DST: variants seen among roughly 807,000 people sequenced by gnomAD.
DST encodes dystonin, also known as bullous pemphigoid antigen.
In DST, 253 loss-of-function variants were observed where a neutral mutation model predicts 875.2. That is an observed-to-expected ratio of 0.29 (90% CI 0.26 to 0.32). DST has a LOEUF of 0.32. Among genes scored for constraint, DST ranks in the 10% least tolerant of loss-of-function variants. The pLI is 1.00. For synonymous variants in DST, 3,124 were observed against 3,197.1 expected, an observed-to-expected ratio of 0.98 and a Z score of 0.77; for missense variants, 8,287 against 9,111.6, an observed-to-expected ratio of 0.91 and a Z score of 3.68.
chr6:56,458,971 T>C lies in DST; in HGVS notation c.*34A>G, dbSNP rs1445976754. On this transcript the variant is annotated 3_prime_UTR_variant, in exon 104 of 104. Coordinates refer to ENST00000680361, the MANE Select transcript of DST (RefSeq NM_001374736.1). ...ACATCGTTCAAACTTAAATAATAAA[T>C]GCTCAAGGAAGGGCCTTGGTAGAAC... 2 of 1,506,226 alleles carry C rather than the reference T, an allele frequency of 1.3e-6. No homozygotes were observed. Among genetic ancestry groups the C allele is most frequent in the African/African-American group, 2.8e-5 (2 of 71,924 alleles). 93.3% of individuals were successfully genotyped at this position (1,506,226 alleles called of 1,614,324 possible).
At chr6:56,490,391 TG>T (rs147745929) in intron 85 of DST, among the ~76,000 whole-genome samples, 3,831 of 152,270 alleles carry the variant, frequency 0.025, 72 homozygotes, top group Non-Finnish European at 0.038. Context: ...ATAAATTATT[TG>T]TCACAATAAG....
At chr6:56,752,588 A>C (rs2099590696) in intron 4 of DST, among the ~76,000 whole-genome samples, 1 of 152,140 alleles carries the variant, frequency 6.6e-6, no homozygotes, top group African/African-American at 2.4e-5. Flanking sequence ...AGTCATTTGA[A>C]TCTAGCTTCT....
In DST at chr6:56,605,631, A is replaced by G; in HGVS notation, c.8997T>C (p.Cys2999=). 6.2e-7 allele frequency: 1 copy of G among 1,613,038 alleles called. No individual in the cohort carries two copies. Among genetic ancestry groups the G allele is most frequent in the Non-Finnish European group, 8.5e-7 (1 of 1,179,348 alleles). The change falls in exon 40 of 104, where the codon TGT becomes TGC. Residue 2999 remains cysteine, a synonymous_variant. Coordinates refer to ENST00000680361, the MANE Select transcript of DST (RefSeq NM_001374736.1). The part of the protein sequence containing the change: ...KVDSSLDHII[C]TEPDLIGKPA... ...GTTTTCCTATTAAATCAGGCTCAGT[A>G]CAAATGATGTGATCAAGAGATGAGT...
intron 4 of DST, among the ~76,000 whole-genome samples, chr6:56,784,072 T>C (rs1004567682): frequency 6.6e-6 from 1 of 152,228 alleles, no homozygotes; most frequent in African/African-American, 2.4e-5. Context: ...TTCTGGCTTG[T>C]AGAGTTTCTG....
At position 56,633,194 on chromosome 6, in the gene DST, G is replaced by GTT. The variant is rs371284798; in HGVS notation, c.3622-158_3622-157insAA. 5.6e-3 allele frequency among the ~76,000 whole-genome samples: 836 copies of GTT among 149,764 alleles called. 11 individuals carry two copies. Among genetic ancestry groups the GTT allele is most frequent in the African/African-American group, 0.02 (786 of 39,370 alleles). ...GTCTTTTTCATTAACAATTTTAGGTGGTTTTTTTTTGTTTTTTGTTTTGAG... is the reference window on the plus strand; with the variant it reads ...GTCTTTTTCATTAACAATTTTAGGTGTTGTTTTTTTTTGTTTTTTGTTTTGAG... On this transcript the variant is annotated intron_variant, in intron 27 of 103. Transcript: ENST00000680361.
At position 56,800,746 on chromosome 6, in the gene DST, T is replaced by G. The variant is rs1337658538; in HGVS notation, c.625+50651A>C. Among the ~76,000 whole-genome samples the G allele has an allele frequency of 2.6e-5, 4 of 152,146 alleles. No homozygotes were observed. The South Asian group carries it at 6.2e-4, about 24-fold the overall frequency. ...AAAAACTCCTATCTAAGGTTGGGCA[T>G]AGTGGCTCACGCCTGTAATCCCAGC... On this transcript the variant is annotated intron_variant, in intron 4 of 103. Transcript: ENST00000680361.
chr6:56,688,278 G>A (rs1437860252), intron 9 of DST, among the ~76,000 whole-genome samples: 1 of 152,114 alleles, frequency 6.6e-6, no homozygotes, highest in Admixed American at 6.5e-5. Context: ...AAGATCTGTG[G>A]AGCAAGGCTA....
chr6:56,900,056 C>T (rs796525638), intron 3 of DST, among the ~76,000 whole-genome samples: 11 of 152,314 alleles, frequency 7.2e-5, no homozygotes, highest in African/African-American at 2.4e-4. Context: ...CTTCTCCTAT[C>T]CTGACACTGG....
At chr6:56,770,983 G>A (rs1204334198) in intron 4 of DST, among the ~76,000 whole-genome samples, 2 of 146,066 alleles carry the variant, frequency 1.4e-5, no homozygotes. Flanking sequence ...TGGGCAACAA[G>A]AGCGAAACTC....
chr6:56,584,459 G>A (rs947994877), intron 49 of DST, among the ~76,000 whole-genome samples: 98 of 151,078 alleles, frequency 6.5e-4, no homozygotes, highest in Non-Finnish European at 1.1e-3. Flanking sequence ...CTGAGACTTT[G>A]CTGAAGTTGC....
chr6:56,737,634 C>T (rs556314193), intron 4 of DST, among the ~76,000 whole-genome samples: 1 of 152,264 alleles, frequency 6.6e-6, no homozygotes, highest in Non-Finnish European at 1.5e-5. Context: ...TAGAACAAAG[C>T]TCTACTGGAC....
chr6:56,645,834 G>T (rs372240930), intron 15 of DST, 32 bp downstream of exon 15: 28 of 1,605,734 alleles, frequency 1.7e-5, no homozygotes, highest in South Asian at 1.2e-4. Context: ...CTCCCCACTT[G>T]ATATTCATGG....
At position 56,463,599 on chromosome 6, in the gene DST, G is replaced by A; in HGVS notation, c.22925C>T (p.Ala7642Val). Residue 7642 changes from alanine to valine, a missense_variant, in exon 101 of 104, where the codon GCC becomes GTC. By Grantham distance (64) the Ala-to-Val change is moderately conservative. This residue lies in a region of DST where 240 missense variants were observed against 237.3 expected (regional missense o/e 1.01). Transcript: ENST00000680361. ...GGTGGTGGCAGGGACCTGTGGGGAG[G>A]CCGCCTGCGCAGCCTGACTGGACAC... The part of the protein sequence containing the change: ...TSVSSQAAQA[A>V]SPQVPATTTP... 6.2e-7 allele frequency: 1 copy of A among 1,603,638 alleles called. No individual in the cohort carries two copies.
At chr6:56,767,494 G>T (rs1589897573) in intron 4 of DST, among the ~76,000 whole-genome samples, 1 of 152,146 alleles carries the variant, frequency 6.6e-6, no homozygotes, top group Admixed American at 6.5e-5. Flanking sequence ...TTGCACATCT[G>T]TAATCCTAGC....
intron 9 of DST, among the ~76,000 whole-genome samples, chr6:56,688,094 A>T (rs1354184178): frequency 2.0e-5 from 3 of 152,186 alleles, no homozygotes; most frequent in Non-Finnish European, 4.4e-5. Context: ...GATGATAGGG[A>T]CCCAAATTCT....
chr6:56,514,753 C>A (rs1327000984), intron 72 of DST, among the ~76,000 whole-genome samples: 1 of 152,136 alleles, frequency 6.6e-6, no homozygotes, highest in Non-Finnish European at 1.5e-5. Context: ...GGAATGCTCT[C>A]TCACATAAAC....
At chr6:56,673,795 T>C (rs962792061) in intron 9 of DST, among the ~76,000 whole-genome samples, 2 of 152,178 alleles carry the variant, frequency 1.3e-5, no homozygotes, top group African/African-American at 4.8e-5. Context: ...CTTTAAAATA[T>C]CAAAGATTAA....
chr6:56,599,721 CA>C (rs935351622), intron 45 of DST, among the ~76,000 whole-genome samples: 2 of 151,932 alleles, frequency 1.3e-5, no homozygotes. Flanking sequence ...AGAAAGAACC[CA>C]AAGTGATGGC....
intron 3 of DST, among the ~76,000 whole-genome samples, chr6:56,857,686 C>A (rs1768682951): frequency 6.6e-6 from 1 of 152,070 alleles, no homozygotes; most frequent in Non-Finnish European, 1.5e-5. Context: ...TTAGGAAAAT[C>A]AAAGATACAA....
Sources: allele counts gnomAD v4.1 joint callset (sites outside exome capture counted in the v4.1 genomes callset), GRCh38; gene constraint gnomAD v4.1.1; regional missense constraint gnomAD v4.1.1; transcripts MANE v1.5; gene names NCBI Gene and HGNC (gene_info 2026-07-23, HGNC 2026-07-21).